Variants in LRP1B observed in about 807,000 individuals in gnomAD.
LRP1B encodes the protein low-density lipoprotein receptor-related protein 1B.
LRP1B carries 217 observed loss-of-function variants against 556.6 expected under a neutral mutation model. The ratio of observed to expected loss-of-function variants is 0.39; its 90% confidence interval spans 0.35 to 0.44. The LOEUF is 0.44. Ranked by LOEUF, LRP1B falls within the 20% of genes least tolerant of loss-of-function variation. The pLI, the probability that LRP1B is intolerant of heterozygous loss-of-function variation, is 1.00. For missense variants in LRP1B, 5,053 were observed against 5,620.8 expected (o/e 0.90, Z 3.23); for synonymous variants, 2,047 against 1,865.8 (o/e 1.10, Z -2.50).
chr2:141,999,215 G>C (rs1865599), intron 1 of LRP1B, among the ~76,000 whole-genome samples: 130,301 of 151,934 alleles, frequency 0.86, 55,982 homozygotes, highest in East Asian at 0.95. Context: ...TCCAATGGGA[G>C]GAGAGTATAA....
chr2:140,716,560 C>A lies in LRP1B; in HGVS notation c.5893+122G>T, dbSNP rs948964171. Reference sequence around the variant, plus strand: ...AGCCAAAAGCAAAAGAGACTATTTACCCCTGTGGCTAGAAGTACAAATAAA... The same window carrying A: ...AGCCAAAAGCAAAAGAGACTATTTAACCCTGTGGCTAGAAGTACAAATAAA... On this transcript the variant is annotated intron_variant, in intron 36 of 90. Transcript: ENST00000389484. 19 of 947,982 alleles carry A rather than the reference C, an allele frequency of 2.0e-5. No homozygotes were observed. In the Admixed American group the frequency reaches 4.4e-4, roughly 22 times the overall value. The allele number at this position is 947,982 out of a possible 1,614,324, so 58.7% of individuals were successfully genotyped here.
intron 2 of LRP1B, among the ~76,000 whole-genome samples, chr2:141,600,752 T>G (rs184410328): frequency 7.9e-5 from 12 of 152,204 alleles, no homozygotes; most frequent in Non-Finnish European, 1.3e-4. Context: ...AGATGGCCCT[T>G]TACAAACACA....
chr2:140,748,784 A>ATATGTATC (rs1559094627), intron 35 of LRP1B, among the ~76,000 whole-genome samples: 909 of 43,046 alleles, frequency 0.021, 42 homozygotes, highest in African/African-American at 0.057. Flanking sequence ...ATATGTATAT[A>ATATGTATC]ATATATATTA....
intron 3 of LRP1B, among the ~76,000 whole-genome samples, chr2:141,471,105 T>C (rs900304734): frequency 2.0e-4 from 30 of 152,180 alleles, no homozygotes; most frequent in African/African-American, 6.8e-4. Flanking sequence ...TAAGGATTAC[T>C]GTTTATCTCC....
chr2:141,348,460 TCAAC>T (rs1412749978), intron 3 of LRP1B, among the ~76,000 whole-genome samples: 1 of 151,930 alleles, frequency 6.6e-6, no homozygotes, highest in Non-Finnish European at 1.5e-5. Flanking sequence ...TAGGTATTAA[TCAAC>T]ATTTATTATT....
chr2:140,336,122 C>T (rs34860393), intron 77 of LRP1B, among the ~76,000 whole-genome samples: 20,831 of 151,880 alleles, frequency 0.14, 1,543 homozygotes, highest in African/African-American at 0.19. Flanking sequence ...CCGTGACTTC[C>T]TGCAGTCAAT....
chr2:140,903,628 T>C (rs1694165151), intron 22 of LRP1B, among the ~76,000 whole-genome samples: 1 of 152,064 alleles, frequency 6.6e-6, no homozygotes, highest in Non-Finnish European at 1.5e-5. Flanking sequence ...AATATATGTG[T>C]CTATATATCT....
At chr2:140,236,678 GA>G (rs1680716335) in intron 89 of LRP1B, among the ~76,000 whole-genome samples, 1 of 150,814 alleles carries the variant, frequency 6.6e-6, no homozygotes, top group South Asian at 2.1e-4. Context: ...TATTATGACA[GA>G]TAGAAAAATA....
intron 7 of LRP1B, among the ~76,000 whole-genome samples, chr2:141,103,943 T>C (rs1186623666): frequency 1.3e-5 from 2 of 152,010 alleles, no homozygotes; most frequent in African/African-American, 4.8e-5. Context: ...GTCAATTCTA[T>C]TGAGAGCCAT....
At chr2:140,694,773 AATTT>A (rs1424267476) in intron 41 of LRP1B, among the ~76,000 whole-genome samples, 1 of 152,072 alleles carries the variant, frequency 6.6e-6, no homozygotes, top group Non-Finnish European at 1.5e-5. Context: ...AACATTAATT[AATTT>A]CTTATTAATG....
intron 1 of LRP1B, among the ~76,000 whole-genome samples, chr2:141,947,997 A>G: frequency 6.6e-6 from 1 of 151,940 alleles, no homozygotes; most frequent in East Asian, 1.9e-4. Flanking sequence ...TTTCTCATTT[A>G]TAAAAAAGTA....
chr2:141,185,410 T>C (rs760927091), intron 7 of LRP1B, among the ~76,000 whole-genome samples: 1 of 151,992 alleles, frequency 6.6e-6, no homozygotes, highest in East Asian at 1.9e-4. Context: ...CTAATGACTA[T>C]AGAGAAATAA....
At chr2:140,921,907 AC>A (rs78711021) in intron 21 of LRP1B, among the ~76,000 whole-genome samples, 28,334 of 151,914 alleles carry the variant, frequency 0.19, 3,293 homozygotes, top group East Asian at 0.4. Flanking sequence ...GTTTTCTTAC[AC>A]CTTTTACAAC....
At chr2:141,942,693 T>C (rs886836168) in intron 1 of LRP1B, among the ~76,000 whole-genome samples, 3 of 152,194 alleles carry the variant, frequency 2.0e-5, no homozygotes, top group Non-Finnish European at 4.4e-5. Context: ...AATTATTTTG[T>C]GCAGCAGTTT....
At chr2:140,321,936 AT>A in intron 82 of LRP1B, 26 bp downstream of exon 82, 1 of 1,591,874 alleles carries the variant, frequency 6.3e-7, no homozygotes. Flanking sequence ...TTAATTCATT[AT>A]TTACAGAATA....
At chr2:141,506,947 T>C (rs772422167) in intron 2 of LRP1B, among the ~76,000 whole-genome samples, 8 of 152,104 alleles carry the variant, frequency 5.3e-5, no homozygotes, top group Non-Finnish European at 1.2e-4. Context: ...CTCCTTCCTT[T>C]TCCTCTTTTG....
At chr2:141,174,353 G>GT (rs920126857) in intron 7 of LRP1B, among the ~76,000 whole-genome samples, 3 of 152,030 alleles carry the variant, frequency 2.0e-5, no homozygotes, top group African/African-American at 7.2e-5. Context: ...TTGTGATATG[G>GT]TTTGGCTCTG....
chr2:141,037,557 T>C (rs1485461729), intron 11 of LRP1B, among the ~76,000 whole-genome samples: 1 of 152,040 alleles, frequency 6.6e-6, no homozygotes, highest in Non-Finnish European at 1.5e-5. Context: ...TATAGGATAG[T>C]AGGCAGGATA....
intron 2 of LRP1B, among the ~76,000 whole-genome samples, chr2:141,575,309 C>T (rs1686695870): frequency 6.6e-6 from 1 of 152,098 alleles, no homozygotes; most frequent in African/African-American, 2.4e-5. Flanking sequence ...TAATGCCACA[C>T]ATCTGTAACC....
Sources: allele counts gnomAD v4.1 joint callset (sites outside exome capture counted in the v4.1 genomes callset), GRCh38; gene constraint gnomAD v4.1.1; transcripts MANE v1.5; gene names NCBI Gene and HGNC (gene_info 2026-07-23, HGNC 2026-07-21).